PARD3: variants seen among roughly 807,000 people sequenced by gnomAD.
The protein encoded by PARD3 is par-3 family cell polarity regulator.
Under a neutral mutation model 155.4 loss-of-function variants are expected in PARD3, and 75 were observed. The observed-to-expected ratio is 0.48, with a 90% CI of 0.40 to 0.58. The LOEUF (loss-of-function observed/expected upper bound fraction) is 0.58. Among genes scored for constraint, PARD3 ranks in the 20% least tolerant of loss-of-function variants. The pLI, the probability that PARD3 is intolerant of heterozygous loss-of-function variation, is 0.00. For synonymous variants in PARD3, 576 were observed against 610.5 expected, an observed-to-expected ratio of 0.94 and a Z score of 0.83; for missense variants, 1,642 against 1,721.7, an observed-to-expected ratio of 0.95 and a Z score of 0.82.
intron 2 of PARD3, among the ~76,000 whole-genome samples, chr10:34,622,826 TC>T (rs1229827786): frequency 1.1e-4 from 17 of 149,746 alleles, no homozygotes; most frequent in Admixed American, 2.7e-4. Flanking sequence ...TTTCTTTTTT[TC>T]TTTTTTTTTT....
intron 21 of PARD3, among the ~76,000 whole-genome samples, chr10:34,275,637 G>C (rs1326323611): frequency 3.3e-5 from 5 of 152,142 alleles, no homozygotes; most frequent in African/African-American, 9.7e-5. Context: ...GGTTATATTT[G>C]CATGTTATGT....
chr10:34,779,795 G>A (rs930426217), intron 1 of PARD3, among the ~76,000 whole-genome samples: 4 of 152,182 alleles, frequency 2.6e-5, no homozygotes, highest in South Asian at 2.1e-4. Flanking sequence ...ATGCAAAACT[G>A]CAAATGCCAT....
At chr10:34,608,787 G>A (rs934049991) in intron 2 of PARD3, among the ~76,000 whole-genome samples, 2 of 152,084 alleles carry the variant, frequency 1.3e-5, no homozygotes, top group African/African-American at 2.4e-5. Flanking sequence ...ACCCGCCTTG[G>A]CCTCCCAAAG....
intron 2 of PARD3, among the ~76,000 whole-genome samples, chr10:34,657,561 C>T (rs1454498792): frequency 2.8e-5 from 4 of 141,890 alleles, no homozygotes; most frequent in Admixed American, 1.4e-4. Flanking sequence ...TGTTTTGAGA[C>T]GGAGTCTTGT....
rs2081816953 is a variant in PARD3 at position 34,517,009 on chromosome 10, T to C, written c.373A>G (p.Ile125Val). 1.2e-6 allele frequency: 2 copies of C among 1,614,064 alleles called. No homozygotes were observed. The highest frequency in any genetic ancestry group is 2.7e-5 in the African/African-American group (2 of 74,940). The change falls in exon 3 of 25, where the codon ATT (isoleucine) becomes GTT (valine). Residue 125 changes from isoleucine (I) to valine (V), a missense_variant. Transcript: ENST00000374788. ...CGAAGGACTGAAGGTGTGACCTCAATTTCACTTGTTGCTTGGTAAGGCTGA... is the reference window on the plus strand; with the variant it reads ...CGAAGGACTGAAGGTGTGACCTCAACTTCACTTGTTGCTTGGTAAGGCTGA... ...AFQPYQATSE[I>V]EVTPSVLRAN...
intron 2 of PARD3, among the ~76,000 whole-genome samples, chr10:34,520,423 C>A (rs2082074127): frequency 6.6e-6 from 1 of 151,942 alleles, no homozygotes; most frequent in Non-Finnish European, 1.5e-5. Flanking sequence ...GAAAAGAAGT[C>A]CTTAATAGTT....
At chr10:34,665,864 A>AC (rs1469474238) in intron 2 of PARD3, among the ~76,000 whole-genome samples, 92 of 148,244 alleles carry the variant, frequency 6.2e-4, no homozygotes, top group African/African-American at 2.3e-3. Context: ...ACAGAACAGA[A>AC]CAGAACAGAA....
intron 2 of PARD3, among the ~76,000 whole-genome samples, chr10:34,579,338 C>A (rs1445588288): frequency 6.6e-6 from 1 of 151,952 alleles, no homozygotes; most frequent in Admixed American, 6.6e-5. Context: ...AACCCCAGCG[C>A]CTCTAAGCAC....
intron 7 of PARD3, among the ~76,000 whole-genome samples, chr10:34,397,572 C>A (rs1843457484): frequency 6.6e-6 from 1 of 152,124 alleles, no homozygotes; most frequent in African/African-American, 2.4e-5. Context: ...CCATGGTAAC[C>A]AGAAACTGTG....
chr10:34,352,270 T>G (rs982742357), intron 14 of PARD3, among the ~76,000 whole-genome samples: 1 of 152,210 alleles, frequency 6.6e-6, no homozygotes, highest in Non-Finnish European at 1.5e-5. Flanking sequence ...TCCATTCCAC[T>G]CCAGTCTCGT....
At chr10:34,382,218 C>G (rs1195217505) in intron 9 of PARD3, among the ~76,000 whole-genome samples, 1 of 152,104 alleles carries the variant, frequency 6.6e-6, no homozygotes, top group Non-Finnish European at 1.5e-5. Context: ...TATTAATGTC[C>G]TGAAGCCATT....
intron 2 of PARD3, among the ~76,000 whole-genome samples, chr10:34,617,849 C>A (rs1170489833): frequency 6.6e-6 from 1 of 152,032 alleles, no homozygotes; most frequent in African/African-American, 2.4e-5. Flanking sequence ...CTAGAGAGAT[C>A]AAAATTATAC....
At chr10:34,482,307 C>G (rs1016260806) in intron 3 of PARD3, among the ~76,000 whole-genome samples, 1 of 151,966 alleles carries the variant, frequency 6.6e-6, no homozygotes, top group East Asian at 1.9e-4. Context: ...AGTGCTGGTA[C>G]AGGCATGAGT....
At chr10:34,361,736 A>T (rs1307125878) in intron 12 of PARD3, among the ~76,000 whole-genome samples, 1 of 152,216 alleles carries the variant, frequency 6.6e-6, no homozygotes. Context: ...TAAAGTTAAC[A>T]TTTTATGGTA....
At chr10:34,546,579 G>A (rs1056557595) in intron 2 of PARD3, among the ~76,000 whole-genome samples, 1 of 151,122 alleles carries the variant, frequency 6.6e-6, no homozygotes, top group Non-Finnish European at 1.5e-5. Flanking sequence ...ACTGTCACCC[G>A]GGCTGGCCTG....
intron 1 of PARD3, among the ~76,000 whole-genome samples, chr10:34,776,689 G>A (rs534922280): frequency 6.6e-6 from 1 of 151,714 alleles, no homozygotes; most frequent in East Asian, 1.9e-4. Context: ...CACAACAGAA[G>A]AATCTTCAAA....
chr10:34,413,324 T>C (rs767617223), intron 5 of PARD3, among the ~76,000 whole-genome samples: 5 of 152,096 alleles, frequency 3.3e-5, no homozygotes, highest in Admixed American at 6.6e-5. Context: ...GTAGGAACAA[T>C]GGGCAGTACA....
At chr10:34,543,237 C>A (rs1001613489) in intron 2 of PARD3, among the ~76,000 whole-genome samples, 12 of 152,158 alleles carry the variant, frequency 7.9e-5, no homozygotes, top group Admixed American at 2.6e-4. Flanking sequence ...TCCCACTGCA[C>A]TCTAGCCTGG....
intron 20 of PARD3, among the ~76,000 whole-genome samples, chr10:34,297,333 C>T (rs749301863): frequency 5.3e-5 from 8 of 152,004 alleles, no homozygotes; most frequent in Middle Eastern, 3.2e-3. Flanking sequence ...TAAATAAGAG[C>T]TTAACTCTAA....
Sources: gnomAD v4.1 joint callset for allele counts (sites outside exome capture counted in the v4.1 genomes callset) on GRCh38, gnomAD v4.1.1 for gene constraint, MANE v1.5 for transcripts, NCBI Gene and HGNC (gene_info 2026-07-23, HGNC 2026-07-21) for gene names.